TMEM245: variants seen among roughly 807,000 people sequenced by gnomAD.
The protein encoded by TMEM245 is protein CG-2.
Under a neutral mutation model 101.2 loss-of-function variants are expected in TMEM245, and 69 were observed. The ratio of observed to expected loss-of-function variants is 0.68; its 90% CI spans 0.56 to 0.83. The LOEUF (loss-of-function observed/expected upper bound fraction) is 0.83, where lower values mean the gene tolerates loss of function less well. Among genes scored for constraint, TMEM245 ranks in the 40% least tolerant of loss-of-function variants. The pLI is 0.00. For synonymous variants in TMEM245, 537 were observed against 449.8 expected, an observed-to-expected ratio of 1.19 and a Z score of -2.45; for missense variants, 1,075 against 1,092.8, an observed-to-expected ratio of 0.98 and a Z score of 0.23.
At chr9:109,077,061 TATA>T (rs2132506386) in intron 8 of TMEM245, among the ~76,000 whole-genome samples, 1 of 151,584 alleles carries the variant, frequency 6.6e-6, no homozygotes, top group African/African-American at 2.4e-5. Context: ...TTGAAAAGAA[TATA>T]ATTTTTGTTA....
At chr9:109,072,174 C>T (rs1189067011) in intron 9 of TMEM245, among the ~76,000 whole-genome samples, 1 of 150,018 alleles carries the variant, frequency 6.7e-6, no homozygotes, top group Non-Finnish European at 1.5e-5. Flanking sequence ...GAAAAGTCTC[C>T]GAATTGCCAT....
chr9:109,109,093 G>A (rs1588081604), intron 1 of TMEM245, among the ~76,000 whole-genome samples: 2 of 152,148 alleles, frequency 1.3e-5, no homozygotes, highest in African/African-American at 4.8e-5. Flanking sequence ...TGACCCTGCT[G>A]AAATAATCTA....
At chr9:109,056,205 T>C (rs1460912528) in intron 12 of TMEM245, among the ~76,000 whole-genome samples, 1 of 151,926 alleles carries the variant, frequency 6.6e-6, no homozygotes, top group Non-Finnish European at 1.5e-5. Context: ...AAAGAAAAGA[T>C]GGGAAATTGG....
chr9:109,017,399 G>A lies in TMEM245; in HGVS notation c.*3061C>T, dbSNP rs1827480725. On this transcript the variant is annotated 3_prime_UTR_variant, in exon 18 of 18. Coordinates refer to ENST00000374586, the MANE Select transcript of TMEM245 (RefSeq NM_032012.4). ...ACAATAACTAAGACCAGCATGTAAG[G>A]TGGTCTTACAGAGATCACTTGCAGG... 6.6e-6 allele frequency: 1 copy of A among 152,186 alleles called. No individual in the cohort carries two copies. Among genetic ancestry groups the A allele is most frequent in the Non-Finnish European group, 1.5e-5 (1 of 68,042 alleles). 9.4% of individuals were successfully genotyped at this position (152,186 alleles called of 1,614,324 possible).
intron 8 of TMEM245, among the ~76,000 whole-genome samples, chr9:109,078,286 ATTTG>A (rs1468616560): frequency 6.6e-6 from 1 of 152,096 alleles, no homozygotes; most frequent in East Asian, 1.9e-4. Flanking sequence ...CTTTAGTCAT[ATTTG>A]TTTAAATAAA....
At chr9:109,096,087 T>C (rs956791801) in intron 3 of TMEM245, among the ~76,000 whole-genome samples, 2 of 152,188 alleles carry the variant, frequency 1.3e-5, no homozygotes, top group Non-Finnish European at 2.9e-5. Flanking sequence ...GACGAAGGTA[T>C]CCCGGTTTCC....
intron 1 of TMEM245, among the ~76,000 whole-genome samples, chr9:109,119,094 G>A (rs913302664): frequency 3.9e-5 from 6 of 152,210 alleles, no homozygotes; most frequent in Non-Finnish European, 5.9e-5. Context: ...CCCCCTAAGA[G>A]GGCCTATTAG....
chr9:109,093,694 T>G (rs1830066965), intron 3 of TMEM245, 103 bp from the exon 4 acceptor site: 1 of 908,118 alleles, frequency 1.1e-6, no homozygotes. Context: ...ATAAAATGGT[T>G]ACTACTGACC....
At chr9:109,085,915 G>C in intron 7 of TMEM245, 82 bp downstream of exon 7, 3 of 1,469,068 alleles carry the variant, frequency 2.0e-6, no homozygotes, top group Non-Finnish European at 1.9e-6. Context: ...TTGACACATG[G>C]ACAGAAACAT....
rs1468519603 is a variant in TMEM245 at position 109,119,381 on chromosome 9, G to A, written c.533C>T (p.Ala178Val). 6.5e-7 allele frequency: 1 copy of A among 1,529,422 alleles called. No homozygotes were observed. The highest frequency in any genetic ancestry group is 8.8e-7 in the Non-Finnish European group (1 of 1,142,304). The allele number at this position is 1,529,422 out of a possible 1,614,324, so 94.7% of individuals were successfully genotyped here. A position where few individuals can be genotyped will look rare whatever the true frequency, so the allele number is the denominator to read the frequency against. The change falls in exon 1 of 18, where the codon GCT (alanine) becomes GTT (valine). Residue 178 changes from alanine to valine, a missense_variant. Physicochemically the swap from Ala to Val is moderately conservative, Grantham distance 64. This residue lies in a region of TMEM245 where 808 missense variants were observed against 741.5 expected (regional missense o/e 1.09). Transcript: ENST00000374586. ...CAGCCCGCGGCAGATGAGCGTGGCA[G>A]CGTGCACCAGCAGCACCTGCACGCC... ...YLGVQVLLVH[A>V]ATLICRGLDY... is the part of the protein sequence containing the mutation.
intron 11 of TMEM245, among the ~76,000 whole-genome samples, chr9:109,058,630 C>T (rs976184940): frequency 6.6e-6 from 1 of 152,092 alleles, no homozygotes; most frequent in Non-Finnish European, 1.5e-5. Context: ...TTAGAGACAG[C>T]GTCTTGCTTG....
intron 12 of TMEM245, among the ~76,000 whole-genome samples, chr9:109,051,316 A>ACACACACT (rs1407749806): frequency 1.3e-5 from 2 of 151,624 alleles, no homozygotes; most frequent in African/African-American, 4.8e-5. Flanking sequence ...ACACACACAC[A>ACACACACT]CACACACACA....
intron 17 of TMEM245, among the ~76,000 whole-genome samples, chr9:109,024,149 A>G (rs1237968514): frequency 3.3e-5 from 5 of 152,168 alleles, no homozygotes; most frequent in Admixed American, 6.5e-5. Flanking sequence ...TAAGTTATGG[A>G]TGCCTGAAAG....
chr9:109,093,655 C>T (rs984764457), intron 3 of TMEM245, 64 bp from the exon 4 acceptor site: 1 of 1,269,326 alleles, frequency 7.9e-7, no homozygotes, highest in Non-Finnish European at 1.2e-6. Context: ...CAAATTTAAA[C>T]ACAGTCCAAC....
At chr9:109,067,292 G>A (rs75027642) in intron 9 of TMEM245, among the ~76,000 whole-genome samples, 3,815 of 152,202 alleles carry the variant, frequency 0.025, 159 homozygotes, top group African/African-American at 0.088. Context: ...CAGAAACACA[G>A]GAGCTGCCTT....
intron 11 of TMEM245, among the ~76,000 whole-genome samples, chr9:109,058,459 A>G (rs1350741399): frequency 2.0e-5 from 3 of 152,272 alleles, no homozygotes; most frequent in African/African-American, 7.2e-5. Context: ...GGGCCAGGTA[A>G]AATGGCTCTC....
At position 109,087,241 on chromosome 9, in the gene TMEM245, G is replaced by A. The variant is rs1400705961; in HGVS notation, c.1252C>T (p.Arg418Trp). 7 of 1,613,682 alleles carry A rather than the reference G, an allele frequency of 4.3e-6. No individual in the cohort carries two copies. The highest frequency in any genetic ancestry group is 4.2e-6 in the Non-Finnish European group (5 of 1,179,858). The stretch of plus-strand genomic sequence containing the variant: ...GGCCAAGGCGCGAGAGCTCCCTGCC[G>A]CTCCTTCAGGAAGCTTTCTATAATG... ...WGIIESFLKE[R>W]QGALAPWPIV... The change falls in exon 6 of 18, where the codon CGG becomes TGG. Residue 418 changes from arginine to tryptophan, a missense_variant. This residue lies in a region of TMEM245 where 808 missense variants were observed against 741.5 expected (regional missense o/e 1.09). Coordinates refer to ENST00000374586, the MANE Select transcript of TMEM245 (RefSeq NM_032012.4).
intron 1 of TMEM245, among the ~76,000 whole-genome samples, chr9:109,113,883 A>C (rs1478553141): frequency 2.0e-5 from 3 of 152,168 alleles, no homozygotes; most frequent in African/African-American, 4.8e-5. Flanking sequence ...TGAGGTTAGG[A>C]GTTTGAGACC....
At chr9:109,106,910 C>T (rs750670894) in intron 2 of TMEM245, among the ~76,000 whole-genome samples, 11 of 152,020 alleles carry the variant, frequency 7.2e-5, no homozygotes, top group Non-Finnish European at 1.3e-4. Flanking sequence ...AAAACCATCC[C>T]GAACTCAAAC....
Sources: gnomAD v4.1 joint callset for allele counts (sites outside exome capture counted in the v4.1 genomes callset) on GRCh38, gnomAD v4.1.1 for gene constraint, gnomAD v4.1.1 regional missense constraint, MANE v1.5 for transcripts, NCBI Gene and HGNC (gene_info 2026-07-23, HGNC 2026-07-21) for gene names.